CASQ1: variants seen among roughly 807,000 people sequenced by gnomAD.
CASQ1 encodes calsequestrin 1, also known as calsequestrin-1.
In CASQ1, 40 loss-of-function variants were observed where a neutral mutation model predicts 49.5. The ratio of observed to expected loss-of-function variants is 0.81; its 90% CI spans 0.63 to 1.05. The LOEUF (loss-of-function observed/expected upper bound fraction) is 1.05, where lower values mean the gene tolerates loss of function less well. CASQ1 is among the 50% of genes least tolerant of loss of function. The probability of loss-of-function intolerance (pLI) is 0.00; values close to 1 mark genes in which losing one functional copy is unlikely to be tolerated. For missense variants in CASQ1, 469 were observed against 486.9 expected (o/e 0.96, Z 0.35); for synonymous variants, 174 against 187.2 (o/e 0.93, Z 0.58).
chr1:160,201,527 C>G lies in CASQ1; in HGVS notation c.*151C>G. ...TATGCTGGGTGCTGAGACACTGATC[C>G]CCCTCATTTGATGAGCAAATGAGCT... On this transcript the variant is annotated 3_prime_UTR_variant, in exon 11 of 11. Transcript: ENST00000368078. 1 of 756,558 alleles carries G rather than the reference C, an allele frequency of 1.3e-6. No individual in the cohort carries two copies. The highest frequency in any genetic ancestry group is 2.2e-6 in the Non-Finnish European group (1 of 462,468). The allele number at this position is 756,558 out of a possible 1,614,324, so 46.9% of individuals were successfully genotyped here. A position where few individuals can be genotyped will look rare whatever the true frequency, so the allele number is the denominator to read the frequency against.
intron 2 of CASQ1, among the ~76,000 whole-genome samples, 166 bp downstream of exon 2, chr1:160,193,052 T>C (rs1021221352): frequency 1.3e-5 from 2 of 152,140 alleles, no homozygotes; most frequent in Non-Finnish European, 2.9e-5. Flanking sequence ...GGGAGGGTTA[T>C]GGCTCGGAGA....
chr1:160,196,872 TTTGGCAATGTCTAGACACA>T (rs927070482), intron 6 of CASQ1, among the ~76,000 whole-genome samples: 12 of 152,164 alleles, frequency 7.9e-5, no homozygotes, highest in Non-Finnish European at 1.5e-4. Flanking sequence ...CCAAAGGATG[TTTGGCAATGTCTAGACACA>T]TTTTTGGTTG....
At chr1:160,199,306 A>G (rs1291786349) in intron 9 of CASQ1, among the ~76,000 whole-genome samples, 2 of 152,206 alleles carry the variant, frequency 1.3e-5, no homozygotes, top group African/African-American at 4.8e-5. Flanking sequence ...GCTGACTCCT[A>G]AAGAAAACCA....
At chr1:160,201,162 T>C in intron 10 of CASQ1, 83 bp from the exon 11 acceptor site, 1 of 1,382,236 alleles carries the variant, frequency 7.2e-7, no homozygotes, top group Non-Finnish European at 1.0e-6. Flanking sequence ...TAGGGAAGGA[T>C]GTACAGAGTC....
intron 6 of CASQ1, among the ~76,000 whole-genome samples, chr1:160,196,954 T>G (rs1654256980): frequency 6.6e-6 from 1 of 152,176 alleles, no homozygotes; most frequent in Non-Finnish European, 1.5e-5. Context: ...CTGCTAAACA[T>G]TCTACAGTGC....
In CASQ1 at chr1:160,190,850, G is replaced by A; in HGVS notation, c.99G>A (p.Gln33=). The change falls in exon 1 of 11, where the codon CAG becomes CAA. Residue 33 remains glutamine (Q), a synonymous_variant. Coordinates refer to ENST00000368078, the MANE Select transcript of CASQ1 (RefSeq NM_001231.5). ...LVLGTPKSGV[Q]GQEGLDFPEY... is the part of the protein sequence containing the mutation. ...TAGGGACACCCAAGTCAGGGGTACA[G>A]GGGCAGGAAGGGCTGGACTTCCCTG... The A allele has an allele frequency of 1.2e-6, 2 of 1,614,212 alleles. No individual in the cohort carries two copies. The highest frequency in any genetic ancestry group is 1.7e-6 in the Non-Finnish European group (2 of 1,180,042).
rs548280915 is a variant in CASQ1, at chr1:160,194,882, C to A, written c.466-130C>A. On this transcript the variant is annotated intron_variant, in intron 3 of 10. Transcript: ENST00000368078. ...TACACACACACGCACATGCAATCCC[C>A]CACACACACACCCACACACTGTCAA... 3.8e-4 allele frequency: 228 copies of A among 593,920 alleles called. 2 individuals carry two copies. The highest frequency in any genetic ancestry group is 3.6e-3 in the South Asian group (178 of 49,338). 36.8% of individuals were successfully genotyped at this position (593,920 alleles called of 1,614,324 possible). A position where few individuals can be genotyped will look rare whatever the true frequency, so the allele number is the denominator to read the frequency against.
chr1:160,199,323 T>C (rs543853734), intron 9 of CASQ1, among the ~76,000 whole-genome samples: 2 of 152,270 alleles, frequency 1.3e-5, no homozygotes, highest in East Asian at 3.9e-4. Flanking sequence ...ACCAATGTTG[T>C]GAGGCACAAT....
intron 4 of CASQ1, 50 bp from the exon 5 acceptor site, chr1:160,195,411 C>T (rs544463563): frequency 5.5e-5 from 85 of 1,542,042 alleles, no homozygotes; most frequent in East Asian, 4.9e-4. Context: ...GGATGATTCC[C>T]GGGCAGACCC....
chr1:160,197,588 A>G lies in CASQ1; in HGVS notation c.802A>G (p.Lys268Glu), dbSNP rs770333160. Residue 268 changes from lysine to glutamate, a missense_variant, in exon 7 of 11, where the codon AAG becomes GAG. Transcript: ENST00000368078. ...TTCTAGATCAACCCTGAGGAAACTG[A>G]AGCCGGAGAGTATGTATGAGACCTG... ...EHRRSTLRKLKPESMYETWED... is the reference protein window; with the variant it reads ...EHRRSTLRKLEPESMYETWED... 1 of 1,612,430 alleles carries G rather than the reference A, an allele frequency of 6.2e-7. No homozygotes were observed. The highest frequency in any genetic ancestry group is 1.1e-5 in the South Asian group (1 of 91,050).
intron 7 of CASQ1, among the ~76,000 whole-genome samples, chr1:160,198,028 A>G (rs754682214): frequency 5.7e-4 from 86 of 152,090 alleles, no homozygotes; most frequent in Non-Finnish European, 1.2e-3. Context: ...AAGAAAAAAG[A>G]AAAAACAGTG....
At chr1:160,200,944 T>C (rs535492988) in intron 10 of CASQ1, among the ~76,000 whole-genome samples, 8 of 152,308 alleles carry the variant, frequency 5.3e-5, no homozygotes, top group Non-Finnish European at 1.0e-4. Context: ...TTATAAGCCA[T>C]GAAGAGCTAC....
In CASQ1 at chr1:160,200,030, G is replaced by A. The variant is rs3818953; in HGVS notation, c.1059+105G>A. The A allele has an allele frequency of 3.0e-3, 2,305 of 776,610 alleles. 30 individuals are homozygous for A. In the East Asian group the frequency reaches 0.035, roughly 12 times the overall value. The allele number at this position is 776,610 out of a possible 1,614,324, so 48.1% of individuals were successfully genotyped here. A position where few individuals can be genotyped will look rare whatever the true frequency, so the allele number is the denominator to read the frequency against. On this transcript the variant is annotated intron_variant, in intron 10 of 10. Transcript: ENST00000368078. ...AGGAGTTGGGCCCTTCTCACAGGAC[G>A]CAGACATGCCCAGTCTAGTGGCTGG...
chr1:160,198,802 C>A, intron 8 of CASQ1, 71 bp downstream of exon 8: 2 of 1,411,312 alleles, frequency 1.4e-6, no homozygotes, highest in Non-Finnish European at 2.0e-6. Flanking sequence ...GGAGCATGGG[C>A]CTCACTAGGA....
intron 8 of CASQ1, 96 bp from the exon 9 acceptor site, chr1:160,198,857 A>G (rs944121168): frequency 8.5e-7 from 1 of 1,172,766 alleles, no homozygotes; most frequent in African/African-American, 1.5e-5. Context: ...AGACATGTGA[A>G]GCTTGGGGAG....
In CASQ1 at chr1:160,195,008, T is replaced by C; in HGVS notation, c.466-4T>C. On this transcript the variant is annotated splice_polypyrimidine_tract_variant and splice_region_variant and intron_variant, in intron 3 of 10. Transcript: ENST00000368078. Reference sequence around the variant, plus strand: ...TCTCTTCCTGCAATGTCCTCCTCTTTCAGGTCCTAGAGGACCCTGTGGAAT... The same window carrying C: ...TCTCTTCCTGCAATGTCCTCCTCTTCCAGGTCCTAGAGGACCCTGTGGAAT... 1 of 1,568,876 alleles carries C rather than the reference T, an allele frequency of 6.4e-7. No individual in the cohort carries two copies. Among genetic ancestry groups the C allele is most frequent in the East Asian group, 2.2e-5 (1 of 44,580 alleles).
chr1:160,191,314 G>A (rs1472918191), intron 1 of CASQ1, among the ~76,000 whole-genome samples: 1 of 152,084 alleles, frequency 6.6e-6, no homozygotes, highest in Admixed American at 6.5e-5. Context: ...TTTGACTTAG[G>A]TTTGGCTAGG....
chr1:160,195,077 G>A lies in CASQ1; in HGVS notation c.531G>A (p.Glu177=), dbSNP rs748339023. Residue 177 remains glutamate, a synonymous_variant, in exon 4 of 11, where the codon GAG becomes GAA. Coordinates refer to ENST00000368078, the MANE Select transcript of CASQ1 (RefSeq NM_001231.5). ...AGCTGCAGGCGTTTGAGAATATTGA[G>A]GATGAGATCAAACTCATTGGCTACT... is the stretch of plus-strand genomic sequence containing the variant. ...ERELQAFENI[E]DEIKLIGYFK... 4 of 1,613,174 alleles carry A rather than the reference G, an allele frequency of 2.5e-6. No homozygotes were observed. In the Admixed American group the frequency reaches 6.7e-5, roughly 27 times the overall value.
chr1:160,200,460 G>A (rs1654343591), intron 10 of CASQ1, among the ~76,000 whole-genome samples: 1 of 152,064 alleles, frequency 6.6e-6, no homozygotes, highest in Admixed American at 6.6e-5. Context: ...ATACAAATAA[G>A]ACACAGGATC....
Sources: gnomAD v4.1 joint callset for allele counts (sites outside exome capture counted in the v4.1 genomes callset) on GRCh38, gnomAD v4.1.1 for gene constraint, MANE v1.5 for transcripts, NCBI Gene and HGNC (gene_info 2026-07-23, HGNC 2026-07-21) for gene names.